Variants in AMOT observed in about 807,000 individuals in gnomAD.
The protein encoded by AMOT is angiomotin.
AMOT carries 11 observed loss-of-function variants against 67.0 expected under a neutral mutation model. The ratio of observed to expected loss-of-function variants is 0.16; its 90% CI spans 0.10 to 0.27. The LOEUF is 0.27. AMOT is among the 10% of genes least tolerant of loss of function. The probability of loss-of-function intolerance (pLI) is 1.00; values close to 1 mark genes in which losing one functional copy is unlikely to be tolerated. For missense variants in AMOT, 753 were observed against 852.0 expected (o/e 0.88, Z 1.45); for synonymous variants, 326 against 321.4 (o/e 1.01, Z -0.15).
chrX:112,816,415 G>GA (rs983147947), intron 4 of AMOT, among the ~76,000 whole-genome samples: 3 of 109,757 alleles, frequency 2.7e-5, no homozygotes, highest in Admixed American at 2.0e-4. Context: ...CAAAAAAAAA[G>GA]AAAAAAAACT....
intron 4 of AMOT, among the ~76,000 whole-genome samples, chrX:112,816,087 T>A (rs1934549600): frequency 9.0e-6 from 1 of 111,060 alleles, no homozygotes; most frequent in Non-Finnish European, 1.9e-5. Context: ...CTTCTGTGCC[T>A]CTGCCTGACA....
At chrX:112,810,390 G>A (rs1420935338) in intron 6 of AMOT, among the ~76,000 whole-genome samples, 7 of 112,153 alleles carry the variant, frequency 6.2e-5, no homozygotes, top group African/African-American at 1.9e-4. Context: ...TGACTTTAAA[G>A]ATAAAATAAC....
chrX:112,791,699 T>C, intron 9 of AMOT, 133 bp downstream of exon 9: 1 of 842,796 alleles, frequency 1.2e-6, no homozygotes, highest in East Asian at 3.1e-5. Flanking sequence ...TAAGATTAGG[T>C]GGGAGAAAAA....
chrX:112,807,964 C>T (rs1044888246), intron 7 of AMOT, among the ~76,000 whole-genome samples: 1 of 111,459 alleles, frequency 9.0e-6, no homozygotes, highest in African/African-American at 3.3e-5. Flanking sequence ...TAGTTATGTC[C>T]CTTGTCTTTC....
In AMOT at chrX:112,822,817, C is replaced by T; in HGVS notation, c.310G>A (p.Glu104Lys). The change falls in exon 4 of 14, where the codon GAA becomes AAA. Residue 104 changes from glutamate (E) to lysine (K), a missense_variant. Coordinates refer to ENST00000371959, the MANE Select transcript of AMOT (RefSeq NM_001113490.2). ...KQLSPRMQNN[E>K]ELPTYEEAKV... ...GCTTCTTCATAGGTCGGGAGTTCTT[C>T]ATTATTTTGCATTCGAGGAGACAGC... 8.6e-7 allele frequency: 1 copy of T among 1,167,172 alleles called. No individual in the cohort carries two copies. The highest frequency in any genetic ancestry group is 1.1e-6 in the Non-Finnish European group (1 of 872,973).
At chrX:112,800,737 A>G (rs766225890) in intron 8 of AMOT, among the ~76,000 whole-genome samples, 4 of 109,699 alleles carry the variant, frequency 3.6e-5, no homozygotes, top group Non-Finnish European at 7.5e-5. Flanking sequence ...ATTAGCCCTT[A>G]AGAACAATGG....
intron 8 of AMOT, among the ~76,000 whole-genome samples, chrX:112,792,843 T>A (rs1267655653): frequency 9.0e-6 from 1 of 111,346 alleles, no homozygotes; most frequent in East Asian, 2.8e-4. Context: ...CTATAAGCCA[T>A]ATCCAAAAGC....
intron 7 of AMOT, among the ~76,000 whole-genome samples, chrX:112,805,995 C>T (rs1482618372): frequency 1.8e-5 from 2 of 111,069 alleles, no homozygotes; most frequent in East Asian, 2.8e-4. Flanking sequence ...TGGCTGGGCA[C>T]GGTGGCTCAT....
intron 2 of AMOT, among the ~76,000 whole-genome samples, chrX:112,830,747 T>C (rs186436475): frequency 2.7e-5 from 3 of 111,568 alleles, no homozygotes; most frequent in Non-Finnish European, 3.8e-5. Context: ...TTGCCCCAAA[T>C]TGCCACCCAG....
intron 7 of AMOT, among the ~76,000 whole-genome samples, chrX:112,807,779 A>G (rs1039600562): frequency 6.2e-5 from 7 of 112,456 alleles, no homozygotes; most frequent in Non-Finnish European, 1.1e-4. Flanking sequence ...GATGATGATC[A>G]TCATCACCAC....
At chrX:112,798,028 C>A (rs188360468) in intron 8 of AMOT, among the ~76,000 whole-genome samples, 1 of 111,487 alleles carries the variant, frequency 9.0e-6, no homozygotes, top group East Asian at 2.8e-4. Context: ...TTCTTTAGAC[C>A]AGAGCTGCTC....
rs199751307 is a variant in AMOT at position 112,791,818 on chromosome X, T to A, written c.1926+14A>T. 2 of 1,203,829 alleles carry A rather than the reference T, an allele frequency of 1.7e-6. No homozygotes were observed. Among genetic ancestry groups the A allele is most frequent in the East Asian group, 5.9e-5 (2 of 33,627 alleles). On this transcript the variant is annotated intron_variant, in intron 9 of 13. Coordinates refer to ENST00000371959, the MANE Select transcript of AMOT (RefSeq NM_001113490.2). The stretch of plus-strand genomic sequence containing the variant: ...TTACTTTTTTTTCCCTTTCTTCCTT[T>A]AAGTTCTCCATACCTGCTGGATTCT...
chrX:112,815,836 G>C lies in AMOT; in HGVS notation c.914C>G (p.Ser305Trp). The part of the protein sequence containing the change: ...DISLPLSARN[S>W]QPHSPTSSLT... ...AGAAGAAGTAGGGCTGTGAGGCTGCGAGTTCCTGGCTGACAATGGCAATGA... is the reference window on the plus strand; with the variant it reads ...AGAAGAAGTAGGGCTGTGAGGCTGCCAGTTCCTGGCTGACAATGGCAATGA... The change falls in exon 5 of 14, where the codon TCG becomes TGG. Residue 305 changes from serine (S) to tryptophan (W), a missense_variant. Coordinates refer to ENST00000371959, the MANE Select transcript of AMOT (RefSeq NM_001113490.2). 1 of 1,167,004 alleles carries C rather than the reference G, an allele frequency of 8.6e-7. No homozygotes were observed. Among genetic ancestry groups the C allele is most frequent in the Non-Finnish European group, 1.1e-6 (1 of 872,778 alleles).
chrX:112,828,872 C>A (rs767991640), intron 2 of AMOT, among the ~76,000 whole-genome samples: 1 of 112,534 alleles, frequency 8.9e-6, no homozygotes, highest in Non-Finnish European at 1.9e-5. Flanking sequence ...CCTGCTTTAA[C>A]GCTACCACTG....
rs1167727030 is a variant in AMOT at position 112,779,162 on chromosome X, G to A, written c.2992C>T (p.Pro998Ser). The change falls in exon 13 of 14, where the codon CCT (proline) becomes TCT (serine). Residue 998 changes from proline (P) to serine (S), a missense_variant. Transcript: ENST00000371959. Reference protein sequence around the residue: ...PAPAAAQASAPAQTQAPTSAP... With the variant: ...PAPAAAQASASAQTQAPTSAP... ...GAAGTTGGTGCCTGAGTCTGAGCAG[G>A]AGCAGAAGCCTGAGCCGCTGCTGGA... 4.4e-6 allele frequency: 4 copies of A among 918,301 alleles called. No individual in the cohort carries two copies. Among genetic ancestry groups the A allele is most frequent in the Admixed American group, 2.2e-5 (1 of 45,641 alleles). The allele number at this position is 918,301 out of a possible 1,213,427, so 75.7% of individuals were successfully genotyped here.
At chrX:112,807,919 C>T (rs1368703072) in intron 7 of AMOT, among the ~76,000 whole-genome samples, 1 of 111,824 alleles carries the variant, frequency 8.9e-6, no homozygotes, top group Non-Finnish European at 1.9e-5. Flanking sequence ...GTTTCTGAAT[C>T]AAATCATTAT....
intron 13 of AMOT, 86 bp downstream of exon 13, chrX:112,778,909 ACT>A: frequency 3.1e-6 from 3 of 973,818 alleles, no homozygotes; most frequent in Non-Finnish European, 4.3e-6. Flanking sequence ...CCAAATGATA[ACT>A]CTGCCCAGAC....
chrX:112,812,215 T>C (rs1348080629), intron 5 of AMOT, among the ~76,000 whole-genome samples: 2 of 111,736 alleles, frequency 1.8e-5, no homozygotes, highest in African/African-American at 6.5e-5. Flanking sequence ...CAGATTTCAA[T>C]GAGCAGAGGT....
At chrX:112,837,513 C>CT (rs1039266921) in intron 1 of AMOT, among the ~76,000 whole-genome samples, 30 of 109,440 alleles carry the variant, frequency 2.7e-4, no homozygotes, top group South Asian at 1.6e-3. Flanking sequence ...TTTTCTTTTT[C>CT]TTTTTTTTTG....
Sources: allele counts gnomAD v4.1 joint callset (sites outside exome capture counted in the v4.1 genomes callset), GRCh38; gene constraint gnomAD v4.1.1; transcripts MANE v1.5; gene names NCBI Gene and HGNC (gene_info 2026-07-23, HGNC 2026-07-21).